LRRC71: variants seen among roughly 807,000 people sequenced by gnomAD.
LRRC71 encodes leucine-rich repeat-containing protein 71.
Under a neutral mutation model 66.6 loss-of-function variants are expected in LRRC71, and 54 were observed. The observed-to-expected ratio is 0.81, with a 90% CI of 0.65 to 1.02. LRRC71 has a LOEUF of 1.02. LRRC71 is among the 50% of genes least tolerant of loss of function. The pLI is 0.00. For missense variants in LRRC71, 724 were observed against 718.0 expected (o/e 1.01, Z -0.10); for synonymous variants, 323 against 303.9 (o/e 1.06, Z -0.65).
Position 156,930,680 on chromosome 1 carries a change from C to G in LRRC71, c.1329+63C>G. Reference sequence around the variant, plus strand: ...CCTGGGATTCCAGGCTTGCCTGAGACGTCTCACCCCAGCCCCTCCTGGAAT... The same window carrying G: ...CCTGGGATTCCAGGCTTGCCTGAGAGGTCTCACCCCAGCCCCTCCTGGAAT... On this transcript the variant is annotated intron_variant, in intron 12 of 14. Transcript: ENST00000337428. 4 of 1,431,772 alleles carry G rather than the reference C, an allele frequency of 2.8e-6. No individual in the cohort carries two copies. The South Asian group carries it at 4.9e-5, about 18-fold the overall frequency. 88.7% of individuals were successfully genotyped at this position (1,431,772 alleles called of 1,614,324 possible).
Position 156,920,669 on chromosome 1 carries a change from G to T in LRRC71, c.-135G>T. 1.8e-6 allele frequency: 2 copies of T among 1,127,920 alleles called. No individual in the cohort carries two copies. The highest frequency in any genetic ancestry group is 3.2e-5 in the East Asian group (1 of 31,488). 69.9% of individuals were successfully genotyped at this position (1,127,920 alleles called of 1,614,324 possible). On this transcript the variant is annotated 5_prime_UTR_variant, in exon 1 of 15. Coordinates refer to ENST00000337428, the MANE Select transcript of LRRC71 (RefSeq NM_144702.3). This position sits in a 1 kb window ranked among gnomAD's most constrained non-coding sequence, Gnocchi z 4.9. ...AGGGACGCGTAGGCTACGCCACCGC[G>T]GACGGGTCGGATCCGGTCCCTGGAC...
intron 1 of LRRC71, among the ~76,000 whole-genome samples, chr1:156,922,601 A>AAC (rs1652556682): frequency 1.3e-5 from 2 of 152,210 alleles, no homozygotes; most frequent in Non-Finnish European, 2.9e-5. Context: ...ACAGGTAACT[A>AAC]TCTGCTAAAG....
At chr1:156,923,143 G>A (rs1652642197) in intron 1 of LRRC71, among the ~76,000 whole-genome samples, 1 of 152,188 alleles carries the variant, frequency 6.6e-6, no homozygotes, top group South Asian at 2.1e-4. Context: ...CTGCTGAGCT[G>A]CAGGTGTCCC....
At chr1:156,927,883 G>A (rs1323703547) in intron 8 of LRRC71, 32 bp from the exon 9 acceptor site, 1 of 1,610,246 alleles carries the variant, frequency 6.2e-7, no homozygotes, top group East Asian at 2.2e-5. Context: ...GACTACCCAG[G>A]CGTCCGACCG....
At chr1:156,929,455 G>C in intron 10 of LRRC71, 26 bp downstream of exon 10, 4 of 1,613,722 alleles carry the variant, frequency 2.5e-6, no homozygotes, top group Non-Finnish European at 3.4e-6. Context: ...GACAGATCCT[G>C]GGTGCTGGAC....
At chr1:156,937,217 G>A (rs759579065), downstream of LRRC71, 2 of 1,613,164 alleles carry the variant, frequency 1.2e-6, no homozygotes, top group Admixed American at 3.3e-5. Context: ...TGGACTGAAG[G>A]CCTGCAGGGA....
At chr1:156,928,563 C>CTTTTTTTTTTTTTTTTTTTTTTT (rs58180096) in intron 9 of LRRC71, among the ~76,000 whole-genome samples, 2 of 80,244 alleles carry the variant, frequency 2.5e-5, no homozygotes, top group Non-Finnish European at 2.3e-5. Flanking sequence ...CTTCTTCTTA[C>CTTTTTTTTTTTTTTTTTTTTTTT]TTTTTTTTTT....
chr1:156,929,512 G>T (rs1557791828), intron 10 of LRRC71, 83 bp downstream of exon 10: 8 of 1,587,562 alleles, frequency 5.0e-6, no homozygotes, highest in Non-Finnish European at 6.9e-6. Flanking sequence ...GTGGAGGGAA[G>T]AAGGCCACAT....
intron 9 of LRRC71, among the ~76,000 whole-genome samples, chr1:156,928,417 C>CTCTTAT (rs1295387996): frequency 0.018 from 689 of 38,914 alleles, 6 homozygotes; most frequent in African/African-American, 0.051. Flanking sequence ...CCTCTTATTC[C>CTCTTAT]TCCTCCTCCT....
chr1:156,939,880 C>A, the LRRC71 span: 1 of 1,608,620 alleles, frequency 6.2e-7, no homozygotes, highest in Non-Finnish European at 8.5e-7. Context: ...TGGCAGCAGG[C>A]TCCACAGGAT....
intron 11 of LRRC71, among the ~76,000 whole-genome samples, chr1:156,930,249 C>T (rs749488736): frequency 7.2e-5 from 11 of 151,848 alleles, no homozygotes; most frequent in Non-Finnish European, 8.8e-5. Flanking sequence ...CGTGCCACCA[C>T]GCCCAGCTAA....
In LRRC71 at chr1:156,930,043, TC is replaced by T. The variant is rs1654039715; in HGVS notation, c.1240+315del. On this transcript the variant is annotated intron_variant, in intron 11 of 14. Coordinates refer to ENST00000337428, the MANE Select transcript of LRRC71 (RefSeq NM_144702.3). ...TTCTTTTCTTTTCTTTTTCTTTCTTTCTCTTTCTTTCTTTCTTTTTCTTTCT... is the reference window on the plus strand; with the variant it reads ...TTCTTTTCTTTTCTTTTTCTTTCTTTTCTTTCTTTCTTTCTTTTTCTTTCT... Among the ~76,000 whole-genome samples the T allele has an allele frequency of 2.2e-5, 3 of 138,904 alleles. No homozygotes were observed. The South Asian group carries it at 6.9e-4, about 32-fold the overall frequency. 91.1% of individuals were successfully genotyped at this position (138,904 alleles called of 152,430 possible).
chr1:156,936,497 A>AAAAAAAAATAT (rs370282821), downstream of LRRC71, among the ~76,000 whole-genome samples: 5 of 33,936 alleles, frequency 1.5e-4, no homozygotes, highest in East Asian at 2.2e-3. Context: ...AAAAAAAAAA[A>AAAAAAAAATAT]ATATATATAT....
downstream of LRRC71, chr1:156,936,322 T>C: frequency 1.6e-6 from 1 of 630,126 alleles, no homozygotes. Flanking sequence ...CCAGTGTGGT[T>C]CTGAATCATT....
chr1:156,940,525 C>G, the LRRC71 span: 1 of 1,084,716 alleles, frequency 9.2e-7, no homozygotes, highest in South Asian at 1.8e-5. Context: ...GGAACACTGA[C>G]TTATTCTACA....
rs1357432031 is a variant in LRRC71, at chr1:156,928,525, T to C, written c.996+521T>C. ...CTCCTCCTCCTCCTCTTCCTCTTCC[T>C]CTTCTTCTTCTTCTTCCTTTCTTCT... is the stretch of plus-strand genomic sequence containing the variant. On this transcript the variant is annotated intron_variant, in intron 9 of 14. Transcript: ENST00000337428. Among the ~76,000 whole-genome samples the C allele has an allele frequency of 6.6e-5, 9 of 135,932 alleles. No homozygotes were observed. In the East Asian group the frequency reaches 1.4e-3, roughly 22 times the overall value. 89.2% of individuals were successfully genotyped at this position (135,932 alleles called of 152,430 possible). A position where few individuals can be genotyped will look rare whatever the true frequency, so the allele number is the denominator to read the frequency against.
downstream of LRRC71, chr1:156,935,701 A>C: frequency 2.5e-6 from 1 of 393,446 alleles, no homozygotes; most frequent in Non-Finnish European, 4.6e-6. Context: ...GTGTACACAC[A>C]TATGTGGGGT....
chr1:156,924,756 G>A, intron 4 of LRRC71, 38 bp downstream of exon 4: 1 of 1,548,084 alleles, frequency 6.5e-7, no homozygotes, highest in Non-Finnish European at 8.7e-7. Flanking sequence ...GGACCAGAGT[G>A]GGAGTTGGGG....
chr1:156,929,761 C>T, intron 11 of LRRC71, 32 bp downstream of exon 11: 2 of 1,532,228 alleles, frequency 1.3e-6, no homozygotes, highest in Middle Eastern at 1.9e-4. Context: ...TGGCATCTTC[C>T]TGTGTGGAGG....
Sources: allele counts gnomAD v4.1 joint callset (sites outside exome capture counted in the v4.1 genomes callset), GRCh38; gene constraint gnomAD v4.1.1; non-coding constraint Gnocchi (gnomAD v3.1); transcripts MANE v1.5; gene names NCBI Gene and HGNC (gene_info 2026-07-23, HGNC 2026-07-21).